Variants in ITSN2 observed in about 807,000 individuals in gnomAD.
The protein encoded by ITSN2 is intersectin-2.
Under a neutral mutation model 243.7 loss-of-function variants are expected in ITSN2, and 156 were observed. The ratio of observed to expected loss-of-function variants is 0.64; its 90% confidence interval spans 0.56 to 0.73. ITSN2 has a LOEUF of 0.73. Among genes scored for constraint, ITSN2 ranks in the 30% least tolerant of loss-of-function variants. The probability of loss-of-function intolerance (pLI) is 0.00; values close to 1 mark genes in which losing one functional copy is unlikely to be tolerated. For missense variants in ITSN2, 1,801 were observed against 1,996.1 expected, an observed-to-expected ratio of 0.90 and a Z score of 1.86; for synonymous variants, 703 against 699.9, an observed-to-expected ratio of 1.00 and a Z score of -0.07.
At chr2:24,264,697 TAC>T (rs55826835) in intron 20 of ITSN2, among the ~76,000 whole-genome samples, 4,254 of 49,186 alleles carry the variant, frequency 0.086, 1,018 homozygotes, top group East Asian at 0.18. Context: ...CTGTTGTTTA[TAC>T]ACACACACAC....
At chr2:24,250,210 G>A (rs905649596) in intron 25 of ITSN2, among the ~76,000 whole-genome samples, 4 of 152,138 alleles carry the variant, frequency 2.6e-5, no homozygotes, top group Non-Finnish European at 5.9e-5. Flanking sequence ...TGACTAAATT[G>A]TCCACTCAAC....
At chr2:24,319,895 T>C (rs2151795620) in intron 2 of ITSN2, among the ~76,000 whole-genome samples, 1 of 152,306 alleles carries the variant, frequency 6.6e-6, no homozygotes, top group Non-Finnish European at 1.5e-5. Flanking sequence ...GAAGAGATCT[T>C]CAAGTGTTTA....
At chr2:24,303,026 C>T (rs1448514707) in intron 9 of ITSN2, among the ~76,000 whole-genome samples, 3 of 152,116 alleles carry the variant, frequency 2.0e-5, no homozygotes, top group African/African-American at 7.2e-5. Context: ...TACTGCACTG[C>T]CAGCTGTAGA....
chr2:24,318,163 T>A (rs1684139572), intron 2 of ITSN2, among the ~76,000 whole-genome samples: 3 of 152,076 alleles, frequency 2.0e-5, no homozygotes, highest in African/African-American at 4.8e-5. Flanking sequence ...TTTAAAAAAT[T>A]TAGAGACAGG....
chr2:24,240,594 T>A (rs1008388093), intron 29 of ITSN2: 3 of 152,290 alleles, frequency 2.0e-5, no homozygotes, highest in African/African-American at 7.2e-5. Context: ...TTAGGCAATG[T>A]ATGACTGAAA....
At chr2:24,305,138 A>C (rs1190659351) in intron 8 of ITSN2, among the ~76,000 whole-genome samples, 1 of 152,208 alleles carries the variant, frequency 6.6e-6, no homozygotes. Flanking sequence ...GCTCTTCATT[A>C]TATGGGCTCT....
chr2:24,357,807 A>G (rs1688586572), intron 1 of ITSN2, among the ~76,000 whole-genome samples: 2 of 152,248 alleles, frequency 1.3e-5, no homozygotes, highest in African/African-American at 4.8e-5. Flanking sequence ...GTTAATATAA[A>G]TGTTTTACAA....
chr2:24,348,284 C>G (rs1257636693), intron 1 of ITSN2, among the ~76,000 whole-genome samples: 1 of 147,430 alleles, frequency 6.8e-6, no homozygotes, highest in Non-Finnish European at 1.5e-5. Flanking sequence ...AAGCGATTCT[C>G]CTGCCTCAGC....
intron 1 of ITSN2, among the ~76,000 whole-genome samples, chr2:24,354,374 T>C (rs780958855): frequency 3.3e-4 from 50 of 152,218 alleles, no homozygotes; most frequent in Admixed American, 7.9e-4. Flanking sequence ...ATTATTCCGA[T>C]GGTAAGATTA....
In ITSN2 at chr2:24,251,371, G is replaced by GTGTGTGTA. The variant is rs1332163620; in HGVS notation, c.3120+973_3120+974insTACACACA. 5.6e-3 allele frequency among the ~76,000 whole-genome samples: 17 copies of GTGTGTGTA among 3,058 alleles called. 7 individuals are homozygous for GTGTGTGTA. The highest frequency in any genetic ancestry group is 7.7e-3 in the Non-Finnish European group (11 of 1,424). 2.0% of individuals were successfully genotyped at this position (3,058 alleles called of 152,430 possible). Reference sequence around the variant, plus strand: ...TATGTGTGTGTGTGTGTGTGTGTGTGTATATATGTATGTGTATATATATGT... The same window carrying GTGTGTGTA: ...TATGTGTGTGTGTGTGTGTGTGTGTGTGTGTGTATATATATGTATGTGTATATATATGT... On this transcript the variant is annotated intron_variant, in intron 25 of 39. Coordinates refer to ENST00000355123, the MANE Select transcript of ITSN2 (RefSeq NM_006277.3).
At chr2:24,323,111 G>A (rs540183158) in intron 2 of ITSN2, among the ~76,000 whole-genome samples, 1 of 152,052 alleles carries the variant, frequency 6.6e-6, no homozygotes, top group South Asian at 2.1e-4. Context: ...TATGCTGGTG[G>A]GAAAGCAAAT....
chr2:24,358,731 T>C (rs886580527), intron 1 of ITSN2, among the ~76,000 whole-genome samples: 1 of 152,244 alleles, frequency 6.6e-6, no homozygotes, highest in African/African-American at 2.4e-5. Context: ...ATGCTATTTT[T>C]GTGAAAATAC....
chr2:24,295,539 C>CCT, intron 14 of ITSN2, 125 bp downstream of exon 14: 1 of 627,580 alleles, frequency 1.6e-6, no homozygotes, highest in South Asian at 3.8e-5. Context: ...GAACTCCTGA[C>CCT]CTCAGGGGAT....
At chr2:24,262,255 T>A (rs1675998419) in intron 20 of ITSN2, among the ~76,000 whole-genome samples, 1 of 152,218 alleles carries the variant, frequency 6.6e-6, no homozygotes, top group Non-Finnish European at 1.5e-5. Context: ...TTAATGTTTA[T>A]AATATTATGA....
chr2:24,229,603 G>T (rs1182599313), intron 29 of ITSN2, among the ~76,000 whole-genome samples: 2 of 151,918 alleles, frequency 1.3e-5, no homozygotes, highest in African/African-American at 4.8e-5. Context: ...ACAACACAAA[G>T]AACCCACAGA....
chr2:24,247,245 C>A (rs906192713), intron 27 of ITSN2, among the ~76,000 whole-genome samples: 1 of 152,204 alleles, frequency 6.6e-6, no homozygotes, highest in Admixed American at 6.5e-5. Context: ...CAAAACTGCA[C>A]ACCAAGGCTT....
chr2:24,242,550 A>G (rs1007642571), intron 29 of ITSN2, among the ~76,000 whole-genome samples: 1 of 152,208 alleles, frequency 6.6e-6, no homozygotes, highest in Non-Finnish European at 1.5e-5. Flanking sequence ...TTAAAATTAT[A>G]GGTTTATATA....
At chr2:24,358,288 T>C (rs1688636029) in intron 1 of ITSN2, among the ~76,000 whole-genome samples, 1 of 152,228 alleles carries the variant, frequency 6.6e-6, no homozygotes, top group African/African-American at 2.4e-5. Flanking sequence ...AAAAGGATCT[T>C]GGTTTGAAAC....
In ITSN2 at chr2:24,211,787, T is replaced by A. The variant is rs753143880; in HGVS notation, c.4090-840A>T. Among the ~76,000 whole-genome samples the A allele has an allele frequency of 9.9e-5, 15 of 152,218 alleles. No individual in the cohort carries two copies. The highest frequency in any genetic ancestry group is 1.9e-4 in the Non-Finnish European group (13 of 68,026). Reference sequence around the variant, plus strand: ...GTGTGTCTGGTTGTAAGTGCTACCCTAAGGCTCAGTTGAGGAGTCATATAT... The same window carrying A: ...GTGTGTCTGGTTGTAAGTGCTACCCAAAGGCTCAGTTGAGGAGTCATATAT... On this transcript the variant is annotated intron_variant, in intron 33 of 39. Transcript: ENST00000355123. This position sits in a 1 kb window ranked among gnomAD's most constrained non-coding sequence, Gnocchi z 4.1.
Sources: gnomAD v4.1 joint callset for allele counts (sites outside exome capture counted in the v4.1 genomes callset) on GRCh38, gnomAD v4.1.1 for gene constraint, Gnocchi (gnomAD v3.1) non-coding constraint, MANE v1.5 for transcripts, NCBI Gene and HGNC (gene_info 2026-07-23, HGNC 2026-07-21) for gene names.